Variants in VPS37A observed in about 807,000 individuals in gnomAD.
The protein encoded by VPS37A is vacuolar protein sorting-associated protein 37A.
Under a neutral mutation model 49.8 loss-of-function variants are expected in VPS37A, and 30 were observed. The observed-to-expected ratio is 0.60, with a 90% CI of 0.45 to 0.82. The LOEUF (loss-of-function observed/expected upper bound fraction) is 0.82, where lower values mean the gene tolerates loss of function less well. Among genes scored for constraint, VPS37A ranks in the 40% least tolerant of loss-of-function variants. VPS37A has a pLI of 0.00. For missense variants in VPS37A, 593 were observed against 464.4 expected, an observed-to-expected ratio of 1.28 and a Z score of -2.55; for synonymous variants, 195 against 160.6, an observed-to-expected ratio of 1.21 and a Z score of -1.62.
chr8:17,260,356 C>T (rs1046727676), intron 1 of VPS37A, among the ~76,000 whole-genome samples: 1 of 152,088 alleles, frequency 6.6e-6, no homozygotes, highest in Admixed American at 6.5e-5. Context: ...ATTCCTTCTC[C>T]CCAACATTTT....
At position 17,280,487 on chromosome 8, in the gene VPS37A, T is replaced by TA. The variant is rs3216864; in HGVS notation, c.969+46dup. On this transcript the variant is annotated intron_variant, in intron 9 of 11. Coordinates refer to ENST00000324849, the MANE Select transcript of VPS37A (RefSeq NM_152415.3). ...TTCCCTTTGCCATAGATTTTTTTTT[T>TA]AATCTTATGTGCATGAGTCCTGATC... is the stretch of plus-strand genomic sequence containing the variant. 8.0e-3 allele frequency: 12,201 copies of TA among 1,525,846 alleles called. 692 individuals carry two copies. The East Asian group carries it at 0.15, about 19-fold the overall frequency. 94.5% of individuals were successfully genotyped at this position (1,525,846 alleles called of 1,614,324 possible). A position where few individuals can be genotyped will look rare whatever the true frequency, so the allele number is the denominator to read the frequency against.
intron 10 of VPS37A, among the ~76,000 whole-genome samples, chr8:17,284,824 C>G (rs1044325776): frequency 6.6e-6 from 1 of 152,272 alleles, no homozygotes; most frequent in Non-Finnish European, 1.5e-5. Context: ...CTTTGAAGGT[C>G]TGTCATAGGA....
At chr8:17,314,975 G>C in the VPS37A span, among the ~76,000 whole-genome samples, 1 of 152,168 alleles carries the variant, frequency 6.6e-6, no homozygotes, top group African/African-American at 2.4e-5. Flanking sequence ...CTTAGTGGAA[G>C]GCCAGTGAAA....
chr8:17,262,776 T>C (rs1181818632), intron 1 of VPS37A, among the ~76,000 whole-genome samples: 3 of 152,096 alleles, frequency 2.0e-5, no homozygotes, highest in Non-Finnish European at 4.4e-5. Flanking sequence ...AAAAATTATA[T>C]TGTAGGCCGG....
At chr8:17,253,350 T>C (rs557851886) in intron 1 of VPS37A, among the ~76,000 whole-genome samples, 1 of 152,364 alleles carries the variant, frequency 6.6e-6, no homozygotes, top group South Asian at 2.1e-4. Flanking sequence ...TCCACATTGC[T>C]GCCAGAGTAA....
At chr8:17,308,065 TGAG>T in the VPS37A span, among the ~76,000 whole-genome samples, 97 of 151,376 alleles carry the variant, frequency 6.4e-4, no homozygotes, top group Non-Finnish European at 1.1e-3. Context: ...AAAAATAAAA[TGAG>T]GAAGAAAAAA....
At position 17,265,623 on chromosome 8, in the gene VPS37A, A is replaced by G. The variant is rs145910429; in HGVS notation, c.126-284A>G. 81 of 541,416 alleles carry G rather than the reference A, an allele frequency of 1.5e-4. No individual in the cohort carries two copies. The African/African-American group carries it at 1.5e-3, about 10-fold the overall frequency. The allele number at this position is 541,416 out of a possible 1,614,324, so 33.5% of individuals were successfully genotyped here. On this transcript the variant is annotated intron_variant, in intron 1 of 11. Transcript: ENST00000324849. ...TGCTTCTGCTAATGGTAAATTGGATAGAGTGATAGTAAAACAGTGTAGCAT... is the reference window on the plus strand; with the variant it reads ...TGCTTCTGCTAATGGTAAATTGGATGGAGTGATAGTAAAACAGTGTAGCAT...
chr8:17,265,849 T>C lies in VPS37A; in HGVS notation c.126-58T>C, dbSNP rs769241532. 11 of 1,611,396 alleles carry C rather than the reference T, an allele frequency of 6.8e-6. No individual in the cohort carries two copies. The Admixed American group carries it at 1.0e-4, about 15-fold the overall frequency. On this transcript the variant is annotated intron_variant, in intron 1 of 11. Coordinates refer to ENST00000324849, the MANE Select transcript of VPS37A (RefSeq NM_152415.3). ...AGTAGATTCTAGCACTTAACATTGG[T>C]TTTTAACAATAATGGTTTCATGACT... is the stretch of plus-strand genomic sequence containing the variant.
downstream of VPS37A, among the ~76,000 whole-genome samples, chr8:17,301,187 A>G (rs1485968077): frequency 6.6e-6 from 1 of 152,242 alleles, no homozygotes; most frequent in African/African-American, 2.4e-5. Flanking sequence ...AGAGATAGAT[A>G]AATACAGACC....
downstream of VPS37A, chr8:17,300,289 T>C (rs1817031578): frequency 6.7e-7 from 1 of 1,487,370 alleles, no homozygotes. Flanking sequence ...TATATATGCA[T>C]GTCTTTAGCA....
At chr8:17,276,876 T>C (rs569551516) in intron 6 of VPS37A, among the ~76,000 whole-genome samples, 3 of 152,266 alleles carry the variant, frequency 2.0e-5, no homozygotes, top group Middle Eastern at 3.4e-3. Context: ...TTAGGTGTTT[T>C]TACAGATCCA....
chr8:17,279,972 A>G (rs1435961796), intron 6 of VPS37A, 56 bp from the exon 7 acceptor site: 3 of 1,605,626 alleles, frequency 1.9e-6, no homozygotes, highest in Non-Finnish European at 2.6e-6. Context: ...AATAGTTGTC[A>G]TGGAGAAAAA....
chr8:17,315,460 G>C, the VPS37A span, among the ~76,000 whole-genome samples: 12 of 152,148 alleles, frequency 7.9e-5, no homozygotes, highest in Admixed American at 7.2e-4. Flanking sequence ...GAACCGTACA[G>C]TGGACTTTGA....
At chr8:17,271,921 C>A in intron 4 of VPS37A, 1 of 450,330 alleles carries the variant, frequency 2.2e-6, no homozygotes, top group South Asian at 1.6e-5. Flanking sequence ...AATTTATTTT[C>A]AAATCCAGGA....
chr8:17,333,307 T>C, the VPS37A span, among the ~76,000 whole-genome samples: 1 of 152,362 alleles, frequency 6.6e-6, no homozygotes, highest in East Asian at 1.9e-4. Context: ...ATAAATATTT[T>C]ATAGGGAAAA....
chr8:17,309,077 A>G, the VPS37A span, among the ~76,000 whole-genome samples: 1 of 152,330 alleles, frequency 6.6e-6, no homozygotes, highest in East Asian at 1.9e-4. Context: ...AACATTAGTT[A>G]GTTCTGCCCA....
rs749519233 is a variant in VPS37A at position 17,248,429 on chromosome 8, C to T, written c.125+1060C>T. On this transcript the variant is annotated intron_variant, in intron 1 of 11. Transcript: ENST00000324849. ...AGCTGGGATTACAGGTGCGCGCCAC[C>T]ATGCGCGGCTAATATTTTGTATTTT... The T allele has an allele frequency of 2.2e-4, 99 of 453,302 alleles. 2 individuals carry two copies. Among genetic ancestry groups the T allele is most frequent in the African/African-American group, 1.6e-3 (79 of 49,982 alleles). 28.1% of individuals were successfully genotyped at this position (453,302 alleles called of 1,614,324 possible).
chr8:17,272,586 A>G (rs1178971710), intron 4 of VPS37A, among the ~76,000 whole-genome samples: 1 of 152,162 alleles, frequency 6.6e-6, no homozygotes, highest in African/African-American at 2.4e-5. Flanking sequence ...CCTGCTACTG[A>G]GTTCAAAATA....
rs1816801697 is a variant in VPS37A, at chr8:17,297,750, T to C, written c.*2764T>C. 1 of 150,228 alleles carries C rather than the reference T, an allele frequency of 6.7e-6. No individual in the cohort carries two copies. The highest frequency in any genetic ancestry group is 2.0e-4 in the East Asian group (1 of 5,084). 9.3% of individuals were successfully genotyped at this position (150,228 alleles called of 1,614,324 possible). On this transcript the variant is annotated 3_prime_UTR_variant, in exon 12 of 12. Transcript: ENST00000324849. Reference sequence around the variant, plus strand: ...TCTTGTTGGGGATATTTTAGTCTTGTTGGGTTAGCCATGCTCTGAAGAATC... The same window carrying C: ...TCTTGTTGGGGATATTTTAGTCTTGCTGGGTTAGCCATGCTCTGAAGAATC...
Sources: allele counts gnomAD v4.1 joint callset (sites outside exome capture counted in the v4.1 genomes callset), GRCh38; gene constraint gnomAD v4.1.1; transcripts MANE v1.5; gene names NCBI Gene and HGNC (gene_info 2026-07-23, HGNC 2026-07-21).